GNAQ: variants seen among roughly 807,000 people sequenced by gnomAD.
GNAQ encodes G protein subunit alpha q.
A neutral mutation model predicts 43.9 loss-of-function variants in GNAQ; 8 were observed. That is an observed-to-expected ratio of 0.18 (90% confidence interval 0.11 to 0.33). The LOEUF is 0.33. GNAQ is among the 10% of genes least tolerant of loss of function. The pLI is 1.00. For missense variants in GNAQ, 158 were observed against 450.8 expected (o/e 0.35, Z 5.88); for synonymous variants, 155 against 170.7 (o/e 0.91, Z 0.71).
At chr9:78,005,244 C>T (rs529785030) in intron 1 of GNAQ, among the ~76,000 whole-genome samples, 1 of 152,258 alleles carries the variant, frequency 6.6e-6, no homozygotes. Context: ...TGGTGTTCTT[C>T]ATGTTGCCCA....
chr9:77,972,202 G>T (rs1408829455), intron 1 of GNAQ, among the ~76,000 whole-genome samples: 3 of 152,090 alleles, frequency 2.0e-5, no homozygotes, highest in Non-Finnish European at 4.4e-5. Context: ...ATTTGGGGAT[G>T]ATATAATTGC....
chr9:77,922,711 C>T (rs762695847), intron 1 of GNAQ, among the ~76,000 whole-genome samples: 1 of 152,172 alleles, frequency 6.6e-6, no homozygotes, highest in African/African-American at 2.4e-5. Context: ...ATATCTGAAA[C>T]GCTTCCAGGA....
intron 2 of GNAQ, among the ~76,000 whole-genome samples, chr9:77,887,844 C>T (rs1828335948): frequency 6.6e-6 from 1 of 152,162 alleles, no homozygotes; most frequent in Non-Finnish European, 1.5e-5. Flanking sequence ...CTGTTGCACT[C>T]TTAATCATTT....
At chr9:77,892,292 TC>T (rs747160315) in intron 2 of GNAQ, among the ~76,000 whole-genome samples, 2 of 152,134 alleles carry the variant, frequency 1.3e-5, no homozygotes, top group African/African-American at 2.4e-5. Flanking sequence ...CTGCAGCTCT[TC>T]CCCTTTCACA....
intron 1 of GNAQ, among the ~76,000 whole-genome samples, chr9:78,024,424 C>A (rs1823951078): frequency 6.6e-6 from 1 of 152,046 alleles, no homozygotes; most frequent in African/African-American, 2.4e-5. Flanking sequence ...CACACACATC[C>A]CTAGTTACTG....
At chr9:77,863,360 A>G (rs1827892005) in intron 2 of GNAQ, among the ~76,000 whole-genome samples, 1 of 152,180 alleles carries the variant, frequency 6.6e-6, no homozygotes, top group Non-Finnish European at 1.5e-5. Context: ...TTAAAACATA[A>G]CAAGAGTCAC....
In GNAQ at chr9:77,718,726, ATTTT is replaced by A. The variant is rs754786107; in HGVS notation, c.*2593_*2596del. 597 of 113,730 alleles carry A rather than the reference ATTTT, an allele frequency of 5.2e-3. 2 individuals are homozygous for A. The highest frequency in any genetic ancestry group is 0.016 in the East Asian group (135 of 8,286). 7.0% of individuals were successfully genotyped at this position (113,730 alleles called of 1,614,324 possible). On this transcript the variant is annotated 3_prime_UTR_variant, in exon 7 of 7. Transcript: ENST00000286548. ...GTAGGCCTTCAAATGTTGTTGTTTA[ATTTT>A]TTTTTTTTTTTTTTTTTTTTTTGCT...
intron 1 of GNAQ, among the ~76,000 whole-genome samples, chr9:78,016,568 C>T (rs1823840829): frequency 6.6e-6 from 1 of 151,990 alleles, no homozygotes; most frequent in Non-Finnish European, 1.5e-5. Flanking sequence ...GTAGTCCCAG[C>T]TACTCGGGAG....
chr9:77,761,039 C>T (rs1370536886), intron 5 of GNAQ, among the ~76,000 whole-genome samples: 8 of 145,592 alleles, frequency 5.5e-5, no homozygotes, highest in Non-Finnish European at 7.6e-5. Context: ...AGTGAGGAGC[C>T]CCTCCGCCCG....
At chr9:77,893,280 T>C (rs980186488) in intron 2 of GNAQ, among the ~76,000 whole-genome samples, 1 of 152,190 alleles carries the variant, frequency 6.6e-6, no homozygotes, top group Non-Finnish European at 1.5e-5. Context: ...AACTAAGATG[T>C]CCGTGAAAGT....
At chr9:77,974,060 A>G (rs1314304026) in intron 1 of GNAQ, among the ~76,000 whole-genome samples, 1 of 152,214 alleles carries the variant, frequency 6.6e-6, no homozygotes, top group Non-Finnish European at 1.5e-5. Context: ...TCTTTAAAAT[A>G]TAACTCATTC....
intron 5 of GNAQ, among the ~76,000 whole-genome samples, chr9:77,759,479 T>C (rs1825954866): frequency 6.6e-6 from 1 of 152,168 alleles, no homozygotes; most frequent in Non-Finnish European, 1.5e-5. Flanking sequence ...ATAATATGCT[T>C]TTCTACTTAT....
chr9:78,019,629 T>C (rs531888735), intron 1 of GNAQ, among the ~76,000 whole-genome samples: 3 of 152,166 alleles, frequency 2.0e-5, no homozygotes, highest in Non-Finnish European at 4.4e-5. Context: ...TTAGAGACTT[T>C]AGGAACCTTT....
chr9:77,731,121 C>T (rs1035425390), intron 5 of GNAQ, among the ~76,000 whole-genome samples: 1 of 152,094 alleles, frequency 6.6e-6, no homozygotes, highest in African/African-American at 2.4e-5. Context: ...TGATGGGCTC[C>T]AAGGGAAGGG....
At chr9:77,985,830 C>T (rs1203065942) in intron 1 of GNAQ, among the ~76,000 whole-genome samples, 2 of 152,138 alleles carry the variant, frequency 1.3e-5, no homozygotes, top group African/African-American at 4.8e-5. Flanking sequence ...TCAGGTGATC[C>T]ACCCGCTTCA....
intron 1 of GNAQ, among the ~76,000 whole-genome samples, chr9:77,934,608 T>C (rs768206970): frequency 6.6e-6 from 1 of 152,214 alleles, no homozygotes; most frequent in Admixed American, 6.5e-5. Flanking sequence ...GCATGCTTTC[T>C]GGGCTAATAT....
intron 2 of GNAQ, among the ~76,000 whole-genome samples, chr9:77,880,071 A>G (rs1045448882): frequency 4.6e-5 from 7 of 152,190 alleles, no homozygotes; most frequent in Non-Finnish European, 1.0e-4. Flanking sequence ...ATTATCTCAT[A>G]ATTGATGGTA....
chr9:77,738,351 A>C (rs1372321188), intron 5 of GNAQ, among the ~76,000 whole-genome samples: 1 of 152,128 alleles, frequency 6.6e-6, no homozygotes, highest in Non-Finnish European at 1.5e-5. Flanking sequence ...ATGGAGAGTA[A>C]ATTTTAATTG....
chr9:77,765,519 G>A (rs578159226), intron 5 of GNAQ, among the ~76,000 whole-genome samples: 168 of 152,272 alleles, frequency 1.1e-3, no homozygotes, highest in Non-Finnish European at 1.9e-3. Flanking sequence ...ATGAAAAGCC[G>A]TTCGACAAAA....
Sources: allele counts gnomAD v4.1 joint callset (sites outside exome capture counted in the v4.1 genomes callset), GRCh38; gene constraint gnomAD v4.1.1; transcripts MANE v1.5; gene names NCBI Gene and HGNC (gene_info 2026-07-23, HGNC 2026-07-21).